Variants in NUP205 observed in about 807,000 individuals in gnomAD.
NUP205 encodes the protein nuclear pore complex protein Nup205.
In NUP205, 76 loss-of-function variants were observed where a neutral mutation model predicts 253.8. The observed-to-expected ratio is 0.30, with a 90% CI of 0.25 to 0.36. The LOEUF is 0.36. NUP205 is among the 10% of genes least tolerant of loss of function. NUP205 has a pLI of 1.00. For synonymous variants in NUP205, 832 were observed against 850.1 expected (o/e 0.98, Z 0.37); for missense variants, 2,162 against 2,425.5 (o/e 0.89, Z 2.28).
intron 7 of NUP205, among the ~76,000 whole-genome samples, chr7:135,583,213 G>C (rs148839436): frequency 6.6e-6 from 1 of 152,224 alleles, no homozygotes; most frequent in African/African-American, 2.4e-5. Context: ...TGTACTTACG[G>C]TAACAGACTA....
chr7:135,619,031 T>G (rs1794418801), intron 28 of NUP205, among the ~76,000 whole-genome samples: 4 of 152,234 alleles, frequency 2.6e-5, no homozygotes, highest in Admixed American at 2.6e-4. Flanking sequence ...TATTCCATTC[T>G]TATATTGTTA....
rs1289536181 is a variant in NUP205, at chr7:135,625,246, A to G, written c.4562A>G (p.Tyr1521Cys). 1 of 1,614,086 alleles carries G rather than the reference A, an allele frequency of 6.2e-7. No homozygotes were observed. The highest frequency in any genetic ancestry group is 8.5e-7 in the Non-Finnish European group (1 of 1,179,970). The change falls in exon 32 of 43, where the codon TAC (tyrosine) becomes TGC (cysteine). Residue 1521 changes from tyrosine (Y) to cysteine (C), a missense_variant. This residue lies in a region of NUP205 where 1,144 missense variants were observed against 1,280.9 expected (regional missense o/e 0.89). Coordinates refer to ENST00000285968, the MANE Select transcript of NUP205 (RefSeq NM_015135.3). The part of the protein sequence containing the change: ...QWLLYLSNSG[Y>C]LKVLVDSLVE... Reference sequence around the variant, plus strand: ...CTTTTGTATCTTTCTAACAGTGGCTACTTGAAGGTCCTCGTAGACAGCTTG... The same window carrying G: ...CTTTTGTATCTTTCTAACAGTGGCTGCTTGAAGGTCCTCGTAGACAGCTTG...
intron 7 of NUP205, among the ~76,000 whole-genome samples, chr7:135,582,089 C>T (rs1806321639): frequency 6.6e-6 from 1 of 152,076 alleles, no homozygotes; most frequent in Non-Finnish European, 1.5e-5. Flanking sequence ...AGTTCAAGAC[C>T]AGCCTGGCCA....
chr7:135,613,388 T>C (rs1471854391), intron 22 of NUP205, among the ~76,000 whole-genome samples: 3 of 151,880 alleles, frequency 2.0e-5, no homozygotes, highest in Non-Finnish European at 4.4e-5. Flanking sequence ...CAGTTTATTG[T>C]TATTTAGTTG....
At chr7:135,615,635 G>A (rs188739872) in intron 23 of NUP205, among the ~76,000 whole-genome samples, 2 of 152,118 alleles carry the variant, frequency 1.3e-5, no homozygotes, top group African/African-American at 4.8e-5. Flanking sequence ...ATAGATTCAG[G>A]ATCTTTGTGA....
At chr7:135,570,968 A>G (rs549331190) in intron 1 of NUP205, 137 bp from the exon 2 acceptor site, 141 of 207,220 alleles carry the variant, frequency 6.8e-4, no homozygotes, top group Admixed American at 1.1e-3. Context: ...AATATAATTG[A>G]TAATTATATT....
intron 1 of NUP205, among the ~76,000 whole-genome samples, chr7:135,558,936 G>A (rs1187958346): frequency 1.3e-5 from 2 of 152,122 alleles, no homozygotes; most frequent in East Asian, 3.8e-4. Flanking sequence ...TTGAAAAGTT[G>A]TCTAAATCTG....
At chr7:135,592,245 C>T (rs1806648558) in intron 11 of NUP205, among the ~76,000 whole-genome samples, 2 of 152,204 alleles carry the variant, frequency 1.3e-5, no homozygotes, top group African/African-American at 4.8e-5. Context: ...GCTTTTGCTT[C>T]CGATGCTTGG....
intron 13 of NUP205, among the ~76,000 whole-genome samples, chr7:135,595,162 C>T (rs1793795164): frequency 1.3e-5 from 2 of 151,592 alleles, no homozygotes; most frequent in Non-Finnish European, 2.9e-5. Flanking sequence ...GCTACATGGT[C>T]ACTGGGGTTG....
intron 35 of NUP205, among the ~76,000 whole-genome samples, chr7:135,633,440 A>G (rs1440418792): frequency 6.6e-6 from 1 of 152,166 alleles, no homozygotes; most frequent in Non-Finnish European, 1.5e-5. Flanking sequence ...ATCAGATTCT[A>G]TGACATGTTG....
intron 34 of NUP205, among the ~76,000 whole-genome samples, chr7:135,629,463 G>A (rs79403964): frequency 0.047 from 5,838 of 124,078 alleles, 227 homozygotes; most frequent in South Asian, 0.12. Flanking sequence ...AACATAGTGA[G>A]ACCCTATCTC....
At chr7:135,566,413 G>C (rs1347431694) in intron 1 of NUP205, among the ~76,000 whole-genome samples, 2 of 152,130 alleles carry the variant, frequency 1.3e-5, no homozygotes, top group Non-Finnish European at 2.9e-5. Flanking sequence ...TCTTTAATGG[G>C]AAGTATGTCT....
At position 135,589,085 on chromosome 7, in the gene NUP205, C is replaced by T. The variant is rs555022364; in HGVS notation, c.1473+1093C>T. Reference sequence around the variant, plus strand: ...CTGCTCAGGCTGAGGCAAGAGGACACGTTGAGCCCCGGGGTTTGAGGTTAC... The same window carrying T: ...CTGCTCAGGCTGAGGCAAGAGGACATGTTGAGCCCCGGGGTTTGAGGTTAC... On this transcript the variant is annotated intron_variant, in intron 10 of 42. Transcript: ENST00000285968. Among the ~76,000 whole-genome samples the T allele has an allele frequency of 4.1e-4, 62 of 150,156 alleles. 2 individuals carry two copies. Among genetic ancestry groups the T allele is most frequent in the Admixed American group, 7.3e-4 (11 of 14,986 alleles).
rs184096318 is a variant in NUP205 at position 135,642,190 on chromosome 7, G to A, written c.5393-1002G>A. 7.4e-4 allele frequency among the ~76,000 whole-genome samples: 112 copies of A among 151,938 alleles called. 1 individual carries two copies. The highest frequency in any genetic ancestry group is 2.5e-3 in the African/African-American group (102 of 41,424). ...GAATCGCTTGAAACCAGGAGGTGGC[G>A]GTTGCAGTGAGCCGAGATCGAACCA... is the stretch of plus-strand genomic sequence containing the variant. On this transcript the variant is annotated intron_variant, in intron 38 of 42. Coordinates refer to ENST00000285968, the MANE Select transcript of NUP205 (RefSeq NM_015135.3).
chr7:135,575,442 A>C (rs1806125319), intron 3 of NUP205, among the ~76,000 whole-genome samples: 1 of 152,160 alleles, frequency 6.6e-6, no homozygotes, highest in African/African-American at 2.4e-5. Flanking sequence ...TAGTTGCAGT[A>C]AGGGGAAAAG....
chr7:135,635,908 A>G (rs1794801578), intron 36 of NUP205, among the ~76,000 whole-genome samples: 1 of 152,190 alleles, frequency 6.6e-6, no homozygotes, highest in South Asian at 2.1e-4. Context: ...TCCATCATAC[A>G]ATGTATACAT....
chr7:135,619,929 A>T, intron 30 of NUP205, 41 bp downstream of exon 30: 2 of 1,270,478 alleles, frequency 1.6e-6, no homozygotes, highest in Non-Finnish European at 2.3e-6. Context: ...GGATTGGGAG[A>T]TGGTTACTTT....
intron 36 of NUP205, among the ~76,000 whole-genome samples, chr7:135,636,504 C>G (rs1794813563): frequency 6.6e-6 from 1 of 152,050 alleles, no homozygotes; most frequent in Admixed American, 6.6e-5. Flanking sequence ...AACCCAAATA[C>G]TTTGGGTTTT....
In NUP205 at chr7:135,643,244, C is replaced by T. The variant is rs770042438; in HGVS notation, c.5445C>T (p.Ile1815=). 2.1e-5 allele frequency: 34 copies of T among 1,613,984 alleles called. No individual in the cohort carries two copies. The highest frequency in any genetic ancestry group is 2.7e-5 in the Non-Finnish European group (32 of 1,179,980). The change falls in exon 39 of 43, where the codon ATC becomes ATT. Residue 1815 remains isoleucine, a synonymous_variant. Transcript: ENST00000285968. ...GGCGCCTGCCTGGTTTAGGCATTAT[C>T]ATCTACCTGCTGAAACAGAGTGCTA... The part of the protein sequence containing the change: ...PYWRLPGLGI[I]IYLLKQSAND...
Sources: allele counts gnomAD v4.1 joint callset (sites outside exome capture counted in the v4.1 genomes callset), GRCh38; gene constraint gnomAD v4.1.1; regional missense constraint gnomAD v4.1.1; transcripts MANE v1.5; gene names NCBI Gene and HGNC (gene_info 2026-07-23, HGNC 2026-07-21).